Variants in CNTN5 observed in about 807,000 individuals in gnomAD.
CNTN5 encodes contactin 5, also known as contactin-5.
A neutral mutation model predicts 129.1 loss-of-function variants in CNTN5; 77 were observed. That is an observed-to-expected ratio of 0.60 (90% confidence interval 0.50 to 0.72). The LOEUF is 0.72. Among genes scored for constraint, CNTN5 ranks in the 30% least tolerant of loss-of-function variants. CNTN5 has a pLI of 0.00. For synonymous variants in CNTN5, 509 were observed against 465.6 expected (o/e 1.09, Z -1.20); for missense variants, 1,478 against 1,328.8 (o/e 1.11, Z -1.75).
At chr11:99,690,260 G>C (rs1215083855) in intron 3 of CNTN5, among the ~76,000 whole-genome samples, 1 of 151,956 alleles carries the variant, frequency 6.6e-6, no homozygotes, top group Non-Finnish European at 1.5e-5. Flanking sequence ...TTTAGTTTTG[G>C]GTTCTCTATT....
At chr11:99,260,138 T>C (rs142567711) in intron 1 of CNTN5, among the ~76,000 whole-genome samples, 2 of 151,930 alleles carry the variant, frequency 1.3e-5, no homozygotes, top group Non-Finnish European at 2.9e-5. Flanking sequence ...TGGCTATCTT[T>C]TTGTAACATC....
chr11:100,030,448 C>T (rs1455620157), intron 9 of CNTN5, among the ~76,000 whole-genome samples: 1 of 152,116 alleles, frequency 6.6e-6, no homozygotes, highest in Non-Finnish European at 1.5e-5. Flanking sequence ...AAAGCCATGT[C>T]CCCTAATTAG....
intron 2 of CNTN5, among the ~76,000 whole-genome samples, chr11:99,433,393 G>GTCTT (rs1943476894): frequency 1.9e-5 from 1 of 51,764 alleles, no homozygotes; most frequent in Non-Finnish European, 3.8e-5. Context: ...GTGTGTGTGT[G>GTCTT]TGTGTGTGTC....
chr11:100,231,550 A>C (rs1949489475), intron 16 of CNTN5, among the ~76,000 whole-genome samples: 1 of 152,162 alleles, frequency 6.6e-6, no homozygotes, highest in African/African-American at 2.4e-5. Context: ...TCCAAGTTAT[A>C]CTTAGAGTGT....
In CNTN5 at chr11:100,258,827, G is replaced by A. The variant is rs1229454768; in HGVS notation, c.2164+2909G>A. ...ATATGGAAAGGAAAAAACCCATACA[G>A]CCTCTGCAAAAACATACCAAATTGT... On this transcript the variant is annotated intron_variant, in intron 17 of 24. Transcript: ENST00000524871. 1.3e-5 allele frequency among the ~76,000 whole-genome samples: 2 copies of A among 152,134 alleles called. 1 individual carries two copies. The highest frequency in any genetic ancestry group is 2.9e-5 in the Non-Finnish European group (2 of 68,032).
At chr11:100,106,729 T>C (rs1171269483) in intron 13 of CNTN5, among the ~76,000 whole-genome samples, 1 of 152,142 alleles carries the variant, frequency 6.6e-6, no homozygotes, top group East Asian at 1.9e-4. Context: ...ACTAGAGATA[T>C]TTGCCTATAA....
chr11:100,258,153 A>G (rs1950116900), intron 17 of CNTN5, among the ~76,000 whole-genome samples: 1 of 152,196 alleles, frequency 6.6e-6, no homozygotes, highest in African/African-American at 2.4e-5. Context: ...AGAAGTATCA[A>G]TAGCCAAATC....
intron 2 of CNTN5, among the ~76,000 whole-genome samples, chr11:99,350,864 T>A (rs1938249445): frequency 6.6e-6 from 1 of 152,076 alleles, no homozygotes; most frequent in African/African-American, 2.4e-5. Flanking sequence ...GGAACTAAAG[T>A]GCTTTGAAAA....
At chr11:99,747,649 T>A (rs1005937435) in intron 3 of CNTN5, among the ~76,000 whole-genome samples, 2 of 150,610 alleles carry the variant, frequency 1.3e-5, no homozygotes, top group African/African-American at 2.5e-5. Context: ...TTTTTTTGTA[T>A]TTTTTAGTAG....
intron 2 of CNTN5, among the ~76,000 whole-genome samples, chr11:99,533,172 A>G (rs1947778608): frequency 6.6e-6 from 1 of 152,212 alleles, no homozygotes; most frequent in Non-Finnish European, 1.5e-5. Context: ...GCAGTGAGCC[A>G]AGATTGTGCC....
intron 1 of CNTN5, among the ~76,000 whole-genome samples, chr11:99,021,601 G>A (rs969893725): frequency 1.3e-5 from 2 of 152,196 alleles, no homozygotes; most frequent in Non-Finnish European, 2.9e-5. Flanking sequence ...AAGTGAGGAT[G>A]TTTCTACAAA....
intron 1 of CNTN5, among the ~76,000 whole-genome samples, chr11:99,313,110 GTT>G (rs11335927): frequency 1.8e-4 from 26 of 142,928 alleles, no homozygotes; most frequent in East Asian, 6.1e-4. Flanking sequence ...AAGATTTGAA[GTT>G]TTTTTTTTTT....
At chr11:99,174,179 T>C (rs1478788632) in intron 1 of CNTN5, among the ~76,000 whole-genome samples, 1 of 152,080 alleles carries the variant, frequency 6.6e-6, no homozygotes, top group Non-Finnish European at 1.5e-5. Context: ...TTGTATTTTC[T>C]GTAGAGACGG....
At chr11:99,676,373 A>G (rs766803973) in intron 3 of CNTN5, among the ~76,000 whole-genome samples, 2 of 152,230 alleles carry the variant, frequency 1.3e-5, no homozygotes, top group Non-Finnish European at 2.9e-5. Flanking sequence ...AAAATTCAGA[A>G]GCCACCTGGT....
intron 1 of CNTN5, among the ~76,000 whole-genome samples, chr11:99,062,880 TA>T (rs1208365970): frequency 1.3e-5 from 2 of 152,044 alleles, no homozygotes; most frequent in Non-Finnish European, 2.9e-5. Flanking sequence ...TTCAGTATTT[TA>T]AGGAATCACT....
chr11:99,420,302 G>T (rs994192091), intron 2 of CNTN5, among the ~76,000 whole-genome samples: 1 of 152,052 alleles, frequency 6.6e-6, no homozygotes, highest in Non-Finnish European at 1.5e-5. Flanking sequence ...TGGGAAAAAG[G>T]TTATCCCCAA....
At chr11:99,423,922 G>C (rs992133431) in intron 2 of CNTN5, among the ~76,000 whole-genome samples, 2 of 152,140 alleles carry the variant, frequency 1.3e-5, no homozygotes, top group Non-Finnish European at 2.9e-5. Context: ...TTTAAAGGAC[G>C]TTTAGGTTTG....
At chr11:100,260,575 C>G (rs1203599438) in intron 17 of CNTN5, among the ~76,000 whole-genome samples, 4 of 152,192 alleles carry the variant, frequency 2.6e-5, no homozygotes, top group African/African-American at 4.8e-5. Context: ...AATCCAGCAG[C>G]ACATCAAAAA....
intron 3 of CNTN5, among the ~76,000 whole-genome samples, chr11:99,759,621 A>G (rs1392513704): frequency 6.7e-6 from 1 of 149,086 alleles, no homozygotes; most frequent in African/African-American, 2.4e-5. Flanking sequence ...ATAACCCCAG[A>G]TCTAGGGTCA....
Sources: gnomAD v4.1 joint callset for allele counts (sites outside exome capture counted in the v4.1 genomes callset) on GRCh38, gnomAD v4.1.1 for gene constraint, MANE v1.5 for transcripts, NCBI Gene and HGNC (gene_info 2026-07-23, HGNC 2026-07-21) for gene names.